GABBR2: variants seen among roughly 807,000 people sequenced by gnomAD.
GABBR2 encodes gamma-aminobutyric acid type B receptor subunit 2.
Under a neutral mutation model 105.6 loss-of-function variants are expected in GABBR2, and 23 were observed. That is an observed-to-expected ratio of 0.22 (90% confidence interval 0.16 to 0.31). The LOEUF (loss-of-function observed/expected upper bound fraction) is 0.31, where lower values mean the gene tolerates loss of function less well. Among genes scored for constraint, GABBR2 ranks in the 10% least tolerant of loss-of-function variants. The pLI is 1.00. For synonymous variants in GABBR2, 478 were observed against 499.7 expected (o/e 0.96, Z 0.58); for missense variants, 734 against 1,245.5 (o/e 0.59, Z 6.18).
chr9:98,608,152 G>A, intron 1 of GABBR2: 1 of 1,230,424 alleles, frequency 8.1e-7, no homozygotes. Flanking sequence ...TTGACCACCA[G>A]TTACGTATTA....
chr9:98,383,202 A>G lies in GABBR2; in HGVS notation c.1662+2438T>C, dbSNP rs564352866. Among the ~76,000 whole-genome samples the G allele has an allele frequency of 5.3e-5, 8 of 152,282 alleles. No individual in the cohort carries two copies. In the South Asian group the frequency reaches 1.7e-3, roughly 32 times the overall value. The stretch of plus-strand genomic sequence containing the variant: ...GTGATCTGCCTGCCTCAGCCTCTCA[A>G]AGTGCTGGGATTATAGGTGTGAGCC... On this transcript the variant is annotated intron_variant, in intron 11 of 18. Coordinates refer to ENST00000259455, the MANE Select transcript of GABBR2 (RefSeq NM_005458.8).
chr9:98,414,197 A>AC (rs1370897427), intron 7 of GABBR2, among the ~76,000 whole-genome samples: 4 of 152,204 alleles, frequency 2.6e-5, no homozygotes, highest in Non-Finnish European at 4.4e-5. Flanking sequence ...AAAAGAGAAA[A>AC]CTACAGGAAG....
At chr9:98,649,864 C>T (rs1226832992) in intron 1 of GABBR2, among the ~76,000 whole-genome samples, 2 of 152,282 alleles carry the variant, frequency 1.3e-5, no homozygotes, top group East Asian at 1.9e-4. Flanking sequence ...GAGAGGTGGC[C>T]ATTTACCTTG....
At chr9:98,299,387 C>T (rs1830433549) in intron 16 of GABBR2, 34 bp from the exon 17 acceptor site, 2 of 1,613,170 alleles carry the variant, frequency 1.2e-6, no homozygotes, top group Admixed American at 1.7e-5. Context: ...AGTCAGGTCC[C>T]TGGCCCAGCC....
At position 98,635,154 on chromosome 9, in the gene GABBR2, G is replaced by C. The variant is rs192497307; in HGVS notation, c.322-57082C>G. ...CAAATGATCTTATCAGCTGTATAAA[G>C]CTCTATAAAGACAATCTTTCCCTGA... On this transcript the variant is annotated intron_variant, in intron 1 of 18. Coordinates refer to ENST00000259455, the MANE Select transcript of GABBR2 (RefSeq NM_005458.8). Among the ~76,000 whole-genome samples, 3 of 152,352 alleles carry C rather than the reference G, an allele frequency of 2.0e-5. No individual in the cohort carries two copies. In the East Asian group the frequency reaches 5.8e-4, roughly 29 times the overall value.
intron 1 of GABBR2, among the ~76,000 whole-genome samples, chr9:98,599,117 T>C (rs948861229): frequency 1.1e-4 from 17 of 152,166 alleles, no homozygotes; most frequent in Non-Finnish European, 1.8e-4. Flanking sequence ...GCCTCATTCC[T>C]GGGTGGGATC....
intron 1 of GABBR2, among the ~76,000 whole-genome samples, chr9:98,685,506 G>T (rs1830609403): frequency 6.6e-6 from 1 of 152,086 alleles, no homozygotes; most frequent in Non-Finnish European, 1.5e-5. Context: ...GAATGAATAA[G>T]GGCATGAATG....
chr9:98,648,080 G>GGTGTGTGTGTGTGTGTGTGTGT lies in GABBR2; in HGVS notation c.321+60315_321+60336dup, dbSNP rs1554723457. On this transcript the variant is annotated intron_variant, in intron 1 of 18. Coordinates refer to ENST00000259455, the MANE Select transcript of GABBR2 (RefSeq NM_005458.8). ...CCCCTTTCTATCATTAATCATACAG[G>GGTGTGTGTGTGTGTGTGTGTGT]GTGTGTGTGTGTGTGTGTGTGTGTG... 2.2e-3 allele frequency among the ~76,000 whole-genome samples: 149 copies of GGTGTGTGTGTGTGTGTGTGTGT among 67,990 alleles called. 3 individuals are homozygous for GGTGTGTGTGTGTGTGTGTGTGT. Among genetic ancestry groups the GGTGTGTGTGTGTGTGTGTGTGT allele is most frequent in the African/African-American group, 3.8e-3 (60 of 15,604 alleles). The allele number at this position is 67,990 out of a possible 152,430, so 44.6% of individuals were successfully genotyped here.
At chr9:98,597,446 A>G (rs1353069847) in intron 1 of GABBR2, among the ~76,000 whole-genome samples, 1 of 152,220 alleles carries the variant, frequency 6.6e-6, no homozygotes, top group Non-Finnish European at 1.5e-5. Context: ...ACACTTCACA[A>G]GCATCATCTC....
intron 1 of GABBR2, among the ~76,000 whole-genome samples, chr9:98,621,507 G>A (rs1053139833): frequency 5.3e-5 from 8 of 152,176 alleles, no homozygotes; most frequent in Non-Finnish European, 2.9e-5. Flanking sequence ...TGTTCACAGA[G>A]CGCAAAACAG....
intron 7 of GABBR2, among the ~76,000 whole-genome samples, chr9:98,426,669 A>C (rs1350656525): frequency 2.6e-5 from 4 of 152,234 alleles, no homozygotes; most frequent in Admixed American, 6.5e-5. Context: ...AAGCCTAAAA[A>C]TCTTCCATCA....
chr9:98,591,446 C>T (rs773051543), intron 1 of GABBR2, among the ~76,000 whole-genome samples: 21 of 152,100 alleles, frequency 1.4e-4, no homozygotes, highest in Non-Finnish European at 2.9e-4. Context: ...AGCACTTTCA[C>T]CAGGGGAGTG....
chr9:98,298,062 A>T (rs533738986), intron 17 of GABBR2, among the ~76,000 whole-genome samples: 30 of 141,950 alleles, frequency 2.1e-4, no homozygotes, highest in Non-Finnish European at 4.0e-4. Context: ...AAAAAAAAGT[A>T]ATGTAAAATA....
chr9:98,591,750 A>G (rs752075658), intron 1 of GABBR2, among the ~76,000 whole-genome samples: 15 of 152,208 alleles, frequency 9.9e-5, no homozygotes, highest in Non-Finnish European at 1.8e-4. Context: ...GAGGTCAATG[A>G]TGGGAGAGAC....
At position 98,708,892 on chromosome 9, in the gene GABBR2, GGCC is replaced by G; in HGVS notation, c.-158_-156del. 1 of 213,312 alleles carries G rather than the reference GGCC, an allele frequency of 4.7e-6. No individual in the cohort carries two copies. The highest frequency in any genetic ancestry group is 6.5e-6 in the Non-Finnish European group (1 of 153,178). The allele number at this position is 213,312 out of a possible 1,614,324, so 13.2% of individuals were successfully genotyped here. A position where few individuals can be genotyped will look rare whatever the true frequency, so the allele number is the denominator to read the frequency against. On this transcript the variant is annotated 5_prime_UTR_variant, in exon 1 of 19. Coordinates refer to ENST00000259455, the MANE Select transcript of GABBR2 (RefSeq NM_005458.8). ...CTAGGGTTCCGGCTCGGCTCAGAAC[GGCC>G]GCGGCGGCGGCGGCGGCAGCGGCGG...
In GABBR2 at chr9:98,448,489, C is replaced by T. The variant is rs146272580; in HGVS notation, c.1236+5492G>A. Among the ~76,000 whole-genome samples the T allele has an allele frequency of 2.4e-3, 363 of 152,258 alleles. 1 individual carries two copies. Among genetic ancestry groups the T allele is most frequent in the South Asian group, 4.2e-3 (20 of 4,818 alleles). On this transcript the variant is annotated intron_variant, in intron 7 of 18. Coordinates refer to ENST00000259455, the MANE Select transcript of GABBR2 (RefSeq NM_005458.8). ...TATTGCTCAGGCTGAAGTACAGAGGCGTAATCAGCCGCAACCTCCTGGGCT... is the reference window on the plus strand; with the variant it reads ...TATTGCTCAGGCTGAAGTACAGAGGTGTAATCAGCCGCAACCTCCTGGGCT...
chr9:98,598,949 T>TC (rs1481625504), intron 1 of GABBR2, among the ~76,000 whole-genome samples: 1 of 152,032 alleles, frequency 6.6e-6, no homozygotes, highest in East Asian at 1.9e-4. Context: ...CATAAATGGC[T>TC]CCCCTGCCCC....
intron 1 of GABBR2, among the ~76,000 whole-genome samples, chr9:98,586,399 A>C (rs1330911779): frequency 6.6e-6 from 1 of 150,950 alleles, no homozygotes; most frequent in Non-Finnish European, 1.5e-5. Flanking sequence ...TCCCAGGTTC[A>C]AGTGATTCTC....
In GABBR2 at chr9:98,454,016, T is replaced by G. The variant is rs1826280743; in HGVS notation, c.1201A>C (p.Asn401His). ...AAGAAGTTGGTCTCGTTCATGGCAT[T>G]GAGGATGATCCTGCCCAGCGTGTGG... ...TDHTLGRIIL[N>H]AMNETNFFGV... is the part of the protein sequence containing the mutation. Residue 401 changes from asparagine (N) to histidine (H), a missense_variant, in exon 7 of 19, where the codon AAT becomes CAT. By Grantham distance (68) the Asn-to-His change is moderately conservative (BLOSUM62 1). Coordinates refer to ENST00000259455, the MANE Select transcript of GABBR2 (RefSeq NM_005458.8). The surrounding 1 kb of genome is among the most constrained non-coding windows in gnomAD (Gnocchi z 4.6). The G allele has an allele frequency of 6.2e-7, 1 of 1,613,968 alleles. No homozygotes were observed. The highest frequency in any genetic ancestry group is 1.3e-5 in the African/African-American group (1 of 74,914).
Sources: gnomAD v4.1 joint callset for allele counts (sites outside exome capture counted in the v4.1 genomes callset) on GRCh38, gnomAD v4.1.1 for gene constraint, Gnocchi (gnomAD v3.1) non-coding constraint, MANE v1.5 for transcripts, NCBI Gene and HGNC (gene_info 2026-07-23, HGNC 2026-07-21) for gene names.